The following ZKSCAN7 variants were observed in gnomAD, a reference collection of about 807,000 sequenced individuals.
ZKSCAN7 encodes zinc finger protein with KRAB and SCAN domains 7.
In ZKSCAN7, 38 loss-of-function variants were observed where a neutral mutation model predicts 65.3. That is an observed-to-expected ratio of 0.58 (90% CI 0.45 to 0.76). The LOEUF (loss-of-function observed/expected upper bound fraction) is 0.76, where lower values mean the gene tolerates loss of function less well. ZKSCAN7 is among the 30% of genes least tolerant of loss of function. ZKSCAN7 has a pLI of 0.00. For missense variants in ZKSCAN7, 815 were observed against 913.3 expected, an observed-to-expected ratio of 0.89 and a Z score of 1.39; for synonymous variants, 321 against 321.0, an observed-to-expected ratio of 1.00 and a Z score of 0.00.
At chr3:44,557,622 T>C (rs1575354531) in intron 2 of ZKSCAN7, 152 bp downstream of exon 2, 9 of 1,060,962 alleles carry the variant, frequency 8.5e-6, no homozygotes, top group South Asian at 3.3e-5. Flanking sequence ...AGTTTTGTGC[T>C]CCAAGCCATA....
Position 44,572,031 on chromosome 3 carries a change from ATT to A in ZKSCAN7, c.*659_*660del. The A allele has an allele frequency of 1.0e-6, 1 of 985,506 alleles. No individual in the cohort carries two copies. The highest frequency in any genetic ancestry group is 1.7e-5 in the African/African-American group (1 of 57,304). 61.0% of individuals were successfully genotyped at this position (985,506 alleles called of 1,614,324 possible). ...GTAACTGTGGTTAATTGCCTTGTAA[ATT>A]TTGCGTGTCTGTATACTTTTATACC... On this transcript the variant is annotated 3_prime_UTR_variant, in exon 6 of 6. Coordinates refer to ENST00000426540, the MANE Select transcript of ZKSCAN7 (RefSeq NM_001288590.2).
At position 44,565,593 on chromosome 3, in the gene ZKSCAN7, C is replaced by T. The variant is rs1443873547; in HGVS notation, c.530C>T (p.Pro177Leu). ...TCACCCCTCAGTGGGGGCTCAGCCC[C>T]TGGAGCCCACCTGGAGCCTCCTTAT... ...PTSPLSGGSA[P>L]GAHLEPPYDP... is the part of the protein sequence containing the mutation. Residue 177 changes from proline to leucine, a missense_variant, in exon 3 of 6, where the codon CCT (proline) becomes CTT (leucine). Physicochemically the swap from Pro to Leu is moderately conservative, Grantham distance 98. Transcript: ENST00000426540. 6.2e-7 allele frequency: 1 copy of T among 1,612,726 alleles called. No homozygotes were observed. Among genetic ancestry groups the T allele is most frequent in the Admixed American group, 1.7e-5 (1 of 59,676 alleles).
In ZKSCAN7 at chr3:44,570,573, C is replaced by T; in HGVS notation, c.1463C>T (p.Thr488Ile). The change falls in exon 6 of 6, where the codon ACC becomes ATC. Residue 488 changes from threonine to isoleucine, a missense_variant. Thr to Ile is a moderately conservative substitution (Grantham distance 89, BLOSUM62 -1). Transcript: ENST00000426540. ...TCCCGACTCACTGACCACCAGAGAACCCATACTGGGGAGAAACCTTATGAA... is the reference window on the plus strand; with the variant it reads ...TCCCGACTCACTGACCACCAGAGAATCCATACTGGGGAGAAACCTTATGAA... ...QSSRLTDHQR[T>I]HTGEKPYECN... is the part of the protein sequence containing the mutation. 1.2e-6 allele frequency: 2 copies of T among 1,612,570 alleles called. No homozygotes were observed. The highest frequency in any genetic ancestry group is 4.5e-5 in the East Asian group (2 of 44,852).
At chr3:44,561,342 G>A (rs13066939) in intron 2 of ZKSCAN7, among the ~76,000 whole-genome samples, 49,479 of 151,964 alleles carry the variant, frequency 0.33, 8,792 homozygotes, top group African/African-American at 0.41. Context: ...ACCAAGGGGA[G>A]ATCTACCCCA....
chr3:44,569,387 G>T (rs909200374), intron 5 of ZKSCAN7, among the ~76,000 whole-genome samples: 2 of 152,178 alleles, frequency 1.3e-5, no homozygotes, highest in Non-Finnish European at 1.5e-5. Context: ...TATCATGTAA[G>T]ATCTGTTCTT....
At position 44,571,536 on chromosome 3, in the gene ZKSCAN7, A is replaced by G. The variant is rs574297371; in HGVS notation, c.*161A>G. ...TGGGAGAGTAGGAGTAACTTATTCCAGTTCTTACCCATTATTAGGAAGGTA... is the reference window on the plus strand; with the variant it reads ...TGGGAGAGTAGGAGTAACTTATTCCGGTTCTTACCCATTATTAGGAAGGTA... On this transcript the variant is annotated 3_prime_UTR_variant, in exon 6 of 6. Coordinates refer to ENST00000426540, the MANE Select transcript of ZKSCAN7 (RefSeq NM_001288590.2). 1 of 1,526,200 alleles carries G rather than the reference A, an allele frequency of 6.6e-7. No homozygotes were observed. Among genetic ancestry groups the G allele is most frequent in the Non-Finnish European group, 8.8e-7 (1 of 1,141,480 alleles). The allele number at this position is 1,526,200 out of a possible 1,614,324, so 94.5% of individuals were successfully genotyped here. A position where few individuals can be genotyped will look rare whatever the true frequency, so the allele number is the denominator to read the frequency against.
At position 44,572,096 on chromosome 3, in the gene ZKSCAN7, C is replaced by A. The variant is rs1267513432; in HGVS notation, c.*721C>A. On this transcript the variant is annotated 3_prime_UTR_variant, in exon 6 of 6. Transcript: ENST00000426540. ...GCTCTTTGAGGTCAGGTATGTATTT[C>A]TTTCCCATATAGATAGTATTTTGTA... The A allele has an allele frequency of 2.0e-6, 2 of 983,704 alleles. No homozygotes were observed. The highest frequency in any genetic ancestry group is 2.4e-6 in the Non-Finnish European group (2 of 828,432). The allele number at this position is 983,704 out of a possible 1,614,324, so 60.9% of individuals were successfully genotyped here. A position where few individuals can be genotyped will look rare whatever the true frequency, so the allele number is the denominator to read the frequency against.
rs191583596 is a variant in ZKSCAN7, at chr3:44,571,348, C to T, written c.2238C>T (p.Ser746=). The change falls in exon 6 of 6, where the codon TCC becomes TCT. Residue 746 remains serine (S), a synonymous_variant. Transcript: ENST00000426540. ...HHQRTHTGEK[S]SGLAWSVS is the part of the protein sequence containing the mutation. ...AGCGAACTCACACTGGAGAGAAGTC[C>T]TCAGGTCTGGCTTGGTCAGTTTCTT... 5 of 1,614,158 alleles carry T rather than the reference C, an allele frequency of 3.1e-6. No homozygotes were observed. In the Admixed American group the frequency reaches 6.7e-5, roughly 22 times the overall value.
At chr3:44,562,195 CAT>C (rs1342594722) in intron 2 of ZKSCAN7, among the ~76,000 whole-genome samples, 1 of 152,236 alleles carries the variant, frequency 6.6e-6, no homozygotes, top group East Asian at 1.9e-4. Context: ...GGCCCAACAA[CAT>C]GTGAAAGCTG....
rs185431219 is a variant in ZKSCAN7, at chr3:44,579,891, C to T, written c.812-3081C>T. 2.2e-5 allele frequency: 35 copies of T among 1,602,322 alleles called. 1 individual carries two copies. The Admixed American group carries it at 4.7e-4, about 21-fold the overall frequency. ...TTGAAATTCAGCAGGTCGGGCGTCACGGAGGGCTCTGTGGACCTCCTGTCC... is the reference window on the plus strand; with the variant it reads ...TTGAAATTCAGCAGGTCGGGCGTCATGGAGGGCTCTGTGGACCTCCTGTCC... On this transcript the variant is annotated intron_variant, in intron 5 of 5. Coordinates refer to the ZKSCAN7 transcript ENST00000341840.
chr3:44,563,364 C>G (rs1223619665), intron 2 of ZKSCAN7, among the ~76,000 whole-genome samples: 1 of 152,128 alleles, frequency 6.6e-6, no homozygotes, highest in Non-Finnish European at 1.5e-5. Context: ...TACCAATTTT[C>G]TATGTTAGTC....
downstream of ZKSCAN7, among the ~76,000 whole-genome samples, chr3:44,575,877 C>CTTA (rs1182152579): frequency 5.9e-5 from 9 of 152,154 alleles, no homozygotes; most frequent in Admixed American, 4.6e-4. Flanking sequence ...TGCGCCTGGC[C>CTTA]TTATTATTAT....
At chr3:44,581,015 G>A in intron 5 of ZKSCAN7, 1 of 1,599,456 alleles carries the variant, frequency 6.3e-7, no homozygotes, top group African/African-American at 1.3e-5. Flanking sequence ...GGTTCTCCTT[G>A]GCTGCCGACA....
Position 44,570,225 on chromosome 3 carries a change from A to G in ZKSCAN7, c.1115A>G (p.Glu372Gly). ...CCACCTCTGTCTTCCAGTCCTGTTG[A>G]ACATGAAGGAGTTTTAAAGGGACAG... Reference protein sequence around the residue: ...EHPPLSSSPVEHEGVLKGQKS... With the variant: ...EHPPLSSSPVGHEGVLKGQKS... The change falls in exon 6 of 6, where the codon GAA (glutamate) becomes GGA (glycine). Residue 372 changes from glutamate to glycine, a missense_variant. This residue lies in a region of ZKSCAN7 where 578 missense variants were observed against 629.5 expected (regional missense o/e 0.92). Coordinates refer to ENST00000426540, the MANE Select transcript of ZKSCAN7 (RefSeq NM_001288590.2). 2 of 1,614,270 alleles carry G rather than the reference A, an allele frequency of 1.2e-6. No homozygotes were observed. The highest frequency in any genetic ancestry group is 2.2e-5 in the South Asian group (2 of 91,090).
chr3:44,580,485 C>G (rs556998817), intron 5 of ZKSCAN7: 50 of 1,433,520 alleles, frequency 3.5e-5, no homozygotes, highest in Non-Finnish European at 4.4e-5. Context: ...GCTGCTGCTG[C>G]TGCTGGTGGT....
At chr3:44,562,479 T>A (rs558032138) in intron 2 of ZKSCAN7, among the ~76,000 whole-genome samples, 1 of 152,380 alleles carries the variant, frequency 6.6e-6, no homozygotes, top group South Asian at 2.1e-4. Flanking sequence ...TCTTTACTTA[T>A]TCAAATTTCT....
rs1458816719 is a variant in ZKSCAN7 at position 44,581,297 on chromosome 3, G to A, written c.812-1675G>A. ...CCTCGGGCCCGCTGCTTCCCGCTGC[G>A]GCCCGCCTCTCAAGCTCCGGTCGCC... On this transcript the variant is annotated intron_variant, in intron 5 of 5. Transcript: ENST00000341840. Among the ~76,000 whole-genome samples, 28 of 150,282 alleles carry A rather than the reference G, an allele frequency of 1.9e-4. 1 individual carries two copies. The highest frequency in any genetic ancestry group is 1.3e-3 in the Admixed American group (19 of 15,076).
Position 44,561,162 on chromosome 3 carries a change from C to T in ZKSCAN7, c.423+3692C>T, listed in dbSNP as rs570017602. 4.6e-5 allele frequency among the ~76,000 whole-genome samples: 7 copies of T among 152,332 alleles called. No homozygotes were observed. The East Asian group carries it at 7.7e-4, about 17-fold the overall frequency. The stretch of plus-strand genomic sequence containing the variant: ...AAAGAAAAGAGGTTTAATTGGCCCA[C>T]AGTTTCACAGGCTTAACAGGAAGCA... On this transcript the variant is annotated intron_variant, in intron 2 of 5. Coordinates refer to ENST00000426540, the MANE Select transcript of ZKSCAN7 (RefSeq NM_001288590.2).
intron 2 of ZKSCAN7, among the ~76,000 whole-genome samples, chr3:44,558,421 A>T (rs537936906): frequency 1.3e-5 from 2 of 151,944 alleles, no homozygotes; most frequent in African/African-American, 4.8e-5. Flanking sequence ...GCTACTGGGG[A>T]GGCTGAGGCA....
Sources: gnomAD v4.1 joint callset for allele counts (sites outside exome capture counted in the v4.1 genomes callset) on GRCh38, gnomAD v4.1.1 for gene constraint, gnomAD v4.1.1 regional missense constraint, MANE v1.5 for transcripts, NCBI Gene and HGNC (gene_info 2026-07-23, HGNC 2026-07-21) for gene names.